Variants in NEB observed in about 807,000 individuals in gnomAD.
NEB encodes the protein nemaline myopathy type 2.
Under a neutral mutation model 952.2 loss-of-function variants are expected in NEB, and 512 were observed. That is an observed-to-expected ratio of 0.54 (90% CI 0.50 to 0.58). The LOEUF is 0.58. Ranked by LOEUF, NEB falls within the 20% of genes least tolerant of loss-of-function variation. The probability of loss-of-function intolerance (pLI) is 0.00; values close to 1 mark genes in which losing one functional copy is unlikely to be tolerated. For missense variants in NEB, 8,428 were observed against 9,231.1 expected (o/e 0.91, Z 3.56); for synonymous variants, 2,900 against 3,149.8 (o/e 0.92, Z 2.66).
chr2:151,658,891 T>A (rs2099115587), intron 47 of NEB, among the ~76,000 whole-genome samples, 174 bp downstream of exon 47: 1 of 152,138 alleles, frequency 6.6e-6, no homozygotes, highest in African/African-American at 2.4e-5. Context: ...CCCAACCCCA[T>A]CCACAGTCCT....
In NEB at chr2:151,569,387, C is replaced by G. The variant is rs1173869517; in HGVS notation, c.17431-15G>C. On this transcript the variant is annotated splice_polypyrimidine_tract_variant and intron_variant, in intron 109 of 181. Transcript: ENST00000397345. The stretch of plus-strand genomic sequence containing the variant: ...TTGTAAACATTCTGTGAAAACAGGG[C>G]CAGAATGAGTTCAGCAACCCTGGTC... 6.3e-7 allele frequency: 1 copy of G among 1,597,040 alleles called. No homozygotes were observed. Among genetic ancestry groups the G allele is most frequent in the Non-Finnish European group, 8.6e-7 (1 of 1,164,754 alleles).
In NEB at chr2:151,492,092, A is replaced by G; in HGVS notation, c.25057+6T>C. 6.2e-7 allele frequency: 1 copy of G among 1,613,604 alleles called. No homozygotes were observed. The highest frequency in any genetic ancestry group is 8.5e-7 in the Non-Finnish European group (1 of 1,179,598). On this transcript the variant is annotated splice_donor_region_variant and intron_variant, in intron 178 of 181. Transcript: ENST00000397345. ...TAATCCCCTCCCCCAACCCAGGCTC[A>G]GTTACCTGTAATAGTCTCCTGATCT...
At position 151,666,400 on chromosome 2, in the gene NEB, C is replaced by T. The variant is rs1326106690; in HGVS notation, c.4721G>A (p.Cys1574Tyr). The T allele has an allele frequency of 6.2e-7, 1 of 1,611,724 alleles. No homozygotes were observed. Among genetic ancestry groups the T allele is most frequent in the Non-Finnish European group, 8.5e-7 (1 of 1,178,698 alleles). ...AKSSRNIASD[C>Y]KYKEAYEKAK... is the part of the protein sequence containing the mutation. ...TTTCTCGTAGGCCTCCTTATATTTG[C>T]ACTATTTGAAAACAAAGGGCAAACA... The change falls in exon 41 of 182, where the codon TGC (cysteine) becomes TAC (tyrosine). Residue 1574 changes from cysteine to tyrosine, a missense_variant and splice_region_variant. Cys to Tyr is a radical substitution (Grantham distance 194, BLOSUM62 -2). This residue lies in a region of NEB where 2,851 missense variants were observed against 2,791.5 expected (regional missense o/e 1.02). Coordinates refer to ENST00000397345, the MANE Select transcript of NEB (RefSeq NM_001164508.2).
intron 13 of NEB, among the ~76,000 whole-genome samples, chr2:151,705,099 A>G (rs527815508): frequency 6.6e-6 from 1 of 152,282 alleles, no homozygotes; most frequent in African/African-American, 2.4e-5. Context: ...ATATAAGGTG[A>G]GAAATACGCA....
chr2:151,699,846 G>A (rs1420212325), intron 13 of NEB, among the ~76,000 whole-genome samples: 1 of 151,630 alleles, frequency 6.6e-6, no homozygotes, highest in Non-Finnish European at 1.5e-5. Context: ...TTCTCTTGCT[G>A]TGCAGAAGCT....
At chr2:151,705,830 C>T (rs2099703678) in intron 13 of NEB, among the ~76,000 whole-genome samples, 1 of 152,118 alleles carries the variant, frequency 6.6e-6, no homozygotes, top group South Asian at 2.1e-4. Context: ...AATGAAAAAC[C>T]AAATATCATA....
intron 156 of NEB, among the ~76,000 whole-genome samples, chr2:151,517,882 C>T (rs1045559510): frequency 3.9e-5 from 6 of 152,160 alleles, no homozygotes; most frequent in Admixed American, 2.6e-4. Flanking sequence ...AAACATCATG[C>T]GGTATATGAC....
rs1025696141 is a variant in NEB at position 151,531,942 on chromosome 2, G to C, written c.21418-46C>G. On this transcript the variant is annotated intron_variant, in intron 143 of 181. Coordinates refer to ENST00000397345, the MANE Select transcript of NEB (RefSeq NM_001164508.2). Reference sequence around the variant, plus strand: ...AAGAGCTCTAAGAAGTTGTAGAGTGGGCTTTAAGGTATCTAATTGTCCTCT... The same window carrying C: ...AAGAGCTCTAAGAAGTTGTAGAGTGCGCTTTAAGGTATCTAATTGTCCTCT... The C allele has an allele frequency of 8.1e-6, 10 of 1,241,766 alleles. No individual in the cohort carries two copies. The African/African-American group carries it at 1.5e-4, about 18-fold the overall frequency. 76.9% of individuals were successfully genotyped at this position (1,241,766 alleles called of 1,614,324 possible). A position where few individuals can be genotyped will look rare whatever the true frequency, so the allele number is the denominator to read the frequency against.
At position 151,640,387 on chromosome 2, in the gene NEB, G is replaced by A; in HGVS notation, c.8653C>T (p.His2885Tyr). ...TCLPDQSDVI[H>Y]ARQAYDLQSD... ...TGGAGGTCATAGGCCTGCCGAGCAT[G>A]GATGACGTCGCTCTGGTCGGGCAGG... The change falls in exon 61 of 182, where the codon CAT (histidine) becomes TAT (tyrosine). Residue 2885 changes from histidine to tyrosine, a missense_variant. Transcript: ENST00000397345. The A allele has an allele frequency of 2.5e-6, 4 of 1,613,944 alleles. No homozygotes were observed. The South Asian group carries it at 4.4e-5, about 18-fold the overall frequency.
At chr2:151,547,823 A>C in intron 131 of NEB, 85 bp from the exon 132 acceptor site, 1 of 889,188 alleles carries the variant, frequency 1.1e-6, no homozygotes. Context: ...AATATTTTAC[A>C]TAAGGAAGAG....
At chr2:151,640,877 C>T (rs2098838313) in intron 60 of NEB, among the ~76,000 whole-genome samples, 1 of 151,688 alleles carries the variant, frequency 6.6e-6, no homozygotes, top group Admixed American at 6.6e-5. Flanking sequence ...TATAGATAGG[C>T]ATTACTTTAA....
At chr2:151,676,123 T>C (rs2099357293) in intron 34 of NEB, among the ~76,000 whole-genome samples, 1 of 152,220 alleles carries the variant, frequency 6.6e-6, no homozygotes, top group African/African-American at 2.4e-5. Flanking sequence ...CATGACTATA[T>C]GGAATATGAC....
At chr2:151,637,017 A>G (rs2098774544) in intron 63 of NEB, among the ~76,000 whole-genome samples, 1 of 152,122 alleles carries the variant, frequency 6.6e-6, no homozygotes, top group African/African-American at 2.4e-5. Context: ...GATCATGGCA[A>G]TCAATTCAAC....
At chr2:151,678,866 CAG>C (rs2099393683) in intron 32 of NEB, among the ~76,000 whole-genome samples, 1 of 152,032 alleles carries the variant, frequency 6.6e-6, no homozygotes, top group Non-Finnish European at 1.5e-5. Context: ...TCGGGTGGGA[CAG>C]GGGCATTTCA....
chr2:151,687,492 A>G lies in NEB; in HGVS notation c.2564T>C (p.Met855Thr). The G allele has an allele frequency of 1.2e-6, 2 of 1,613,948 alleles. No homozygotes were observed. The highest frequency in any genetic ancestry group is 1.7e-6 in the Non-Finnish European group (2 of 1,179,868). ...GTCATTAATGCTGAGGGCTCCAATCATTTTCCCTTTGCTCTTTTCATAGTC... is the reference window on the plus strand; with the variant it reads ...GTCATTAATGCTGAGGGCTCCAATCGTTTTCCCTTTGCTCTTTTCATAGTC... Reference protein sequence around the residue: ...KKDYEKSKGKMIGALSINDDP... With the variant: ...KKDYEKSKGKTIGALSINDDP... The change falls in exon 27 of 182, where the codon ATG becomes ACG. Residue 855 changes from methionine (M) to threonine (T), a missense_variant. By Grantham distance (81) the Met-to-Thr change is moderately conservative (BLOSUM62 -1). Around this residue, in one of 11 missense-constraint regions of NEB, gnomAD observed 2,851 missense variants for 2,791.5 expected, o/e 1.02. Coordinates refer to ENST00000397345, the MANE Select transcript of NEB (RefSeq NM_001164508.2).
intron 125 of NEB, among the ~76,000 whole-genome samples, 174 bp downstream of exon 125, chr2:151,554,757 A>G (rs920343307): frequency 6.6e-6 from 1 of 152,202 alleles, no homozygotes; most frequent in South Asian, 2.1e-4. Context: ...TGTTGCCTAC[A>G]GTATTCAGTA....
At position 151,565,092 on chromosome 2, in the gene NEB, A is replaced by G; in HGVS notation, c.18423T>C (p.Asp6141=). The G allele has an allele frequency of 6.2e-7, 1 of 1,602,080 alleles. No individual in the cohort carries two copies. The highest frequency in any genetic ancestry group is 1.1e-5 in the South Asian group (1 of 89,800). The change falls in exon 117 of 182, where the codon GAT becomes GAC. Residue 6141 remains aspartate (D), a synonymous_variant. Transcript: ENST00000397345. ...KAKGKYTFSP[D]TPHISHSKDM... is the part of the protein sequence containing the mutation. Reference sequence around the variant, plus strand: ...CTTTGGAGTGGGAGATATGTGGTGTATCTGGTGAAAACGTATATTTGCCCT... The same window carrying G: ...CTTTGGAGTGGGAGATATGTGGTGTGTCTGGTGAAAACGTATATTTGCCCT...
rs1302459769 is a variant in NEB, at chr2:151,680,009, G to T, written c.3056C>A (p.Ala1019Asp). 1.9e-6 allele frequency: 3 copies of T among 1,608,964 alleles called. No individual in the cohort carries two copies. The East Asian group carries it at 6.7e-5, about 36-fold the overall frequency. ...TTTGTGAATAATTTCCTCTCCTTTG[G>T]CTTTGTAAGCGATCTGAAAGAGAAA... is the stretch of plus-strand genomic sequence containing the variant. ...QAQRSDIAYK[A>D]KGEEIIHKYN... The change falls in exon 31 of 182, where the codon GCC becomes GAC. Residue 1019 changes from alanine (A) to aspartate (D), a missense_variant. By Grantham distance (126) the Ala-to-Asp change is moderately radical. Around this residue, in one of 11 missense-constraint regions of NEB, gnomAD observed 2,851 missense variants for 2,791.5 expected, o/e 1.02. Transcript: ENST00000397345.
At position 151,519,736 on chromosome 2, in the gene NEB, C is replaced by T. The variant is rs1280366464; in HGVS notation, c.22512G>A (p.Lys7504=). The part of the protein sequence containing the change: ...VKYRENFDKE[K]GKTPKYNPKD... ...TTGGATTGTATTTTGGTGTCTTGCC[C>T]TTTTCTTTATCGAAATTTTCTCGGT... The change falls in exon 154 of 182, where the codon AAG becomes AAA. Residue 7504 remains lysine (K), a synonymous_variant. Coordinates refer to ENST00000397345, the MANE Select transcript of NEB (RefSeq NM_001164508.2). 3.7e-6 allele frequency: 6 copies of T among 1,612,578 alleles called. No homozygotes were observed. The African/African-American group carries it at 5.3e-5, about 14-fold the overall frequency.
Sources: gnomAD v4.1 joint callset for allele counts (sites outside exome capture counted in the v4.1 genomes callset) on GRCh38, gnomAD v4.1.1 for gene constraint, gnomAD v4.1.1 regional missense constraint, MANE v1.5 for transcripts, NCBI Gene and HGNC (gene_info 2026-07-23, HGNC 2026-07-21) for gene names.